Variants in GRAMD1B observed in about 807,000 individuals in gnomAD.
GRAMD1B encodes protein Aster-B.
Under a neutral mutation model 99.7 loss-of-function variants are expected in GRAMD1B, and 37 were observed. The observed-to-expected ratio is 0.37, with a 90% confidence interval of 0.29 to 0.49. GRAMD1B has a LOEUF of 0.49. Ranked by LOEUF, GRAMD1B falls within the 20% of genes least tolerant of loss-of-function variation. The pLI is 0.98. For synonymous variants in GRAMD1B, 427 were observed against 387.6 expected (o/e 1.10, Z -1.19); for missense variants, 888 against 1,009.2 (o/e 0.88, Z 1.63).
At chr11:123,478,523 G>T (rs1383603007) in intron 1 of GRAMD1B, among the ~76,000 whole-genome samples, 1 of 152,164 alleles carries the variant, frequency 6.6e-6, no homozygotes, top group African/African-American at 2.4e-5. Context: ...GGCAGTTCCT[G>T]GTTCCGGTTC....
chr11:123,413,346 G>T (rs1221188644), intron 1 of GRAMD1B, among the ~76,000 whole-genome samples: 1 of 152,126 alleles, frequency 6.6e-6, no homozygotes, highest in East Asian at 1.9e-4. Context: ...GAGATTAGGG[G>T]CTCTCTGCTT....
intron 3 of GRAMD1B, among the ~76,000 whole-genome samples, chr11:123,583,023 T>C (rs1387842794): frequency 6.6e-6 from 1 of 151,426 alleles, no homozygotes; most frequent in African/African-American, 2.4e-5. Context: ...TGCGTGTGTA[T>C]GTGTGTGAAT....
chr11:123,621,868 T>TC (rs1955154551), intron 19 of GRAMD1B, among the ~76,000 whole-genome samples: 1 of 145,074 alleles, frequency 6.9e-6, no homozygotes, highest in Admixed American at 6.9e-5. Flanking sequence ...TTTCTTTCTT[T>TC]TCTTTCTTTC....
intron 10 of GRAMD1B, among the ~76,000 whole-genome samples, chr11:123,606,063 G>A (rs1952667232): frequency 6.6e-6 from 1 of 152,164 alleles, no homozygotes; most frequent in African/African-American, 2.4e-5. Context: ...TTCAGGAAAG[G>A]ACTCCCTCAA....
Position 123,431,133 on chromosome 11 carries a change from G to T in GRAMD1B, c.341G>T (p.Arg114Met), listed in dbSNP as rs1948863863. ...CGCTTCCTCCTCCGCAAGTGGCTGA[G>T]GGTGAGGGAGCGGAAGGAGTGCAGT... is the stretch of plus-strand genomic sequence containing the variant. ...RKRFLLRKWL[R>M]VRERKECSES... is the part of the protein sequence containing the mutation. Residue 114 changes from arginine to methionine, a missense_variant, in exon 1 of 20, where the codon AGG becomes ATG. Physicochemically the swap from Arg to Met is moderately conservative, Grantham distance 91. Coordinates refer to ENST00000635736, the MANE Select transcript of GRAMD1B (RefSeq NM_001387025.1). 5.7e-6 allele frequency: 4 copies of T among 702,948 alleles called. No individual in the cohort carries two copies. The highest frequency in any genetic ancestry group is 1.0e-5 in the Non-Finnish European group (4 of 384,972). The allele number at this position is 702,948 out of a possible 1,614,324, so 43.5% of individuals were successfully genotyped here. A position where few individuals can be genotyped will look rare whatever the true frequency, so the allele number is the denominator to read the frequency against.
intron 2 of GRAMD1B, among the ~76,000 whole-genome samples, chr11:123,562,755 T>C (rs1229002818): frequency 6.6e-6 from 1 of 152,170 alleles, no homozygotes; most frequent in African/African-American, 2.4e-5. Context: ...CTTGGATTTG[T>C]CTCATTGGGG....
intron 1 of GRAMD1B, among the ~76,000 whole-genome samples, chr11:123,441,031 C>G (rs900431157): frequency 6.6e-6 from 1 of 152,186 alleles, no homozygotes; most frequent in Non-Finnish European, 1.5e-5. Context: ...CCACCATGAT[C>G]GTGAGGCCTC....
Position 123,510,723 on chromosome 11 carries a change from C to T in GRAMD1B, c.452+29830C>T, listed in dbSNP as rs928248311. On this transcript the variant is annotated intron_variant, in intron 2 of 19. Coordinates refer to ENST00000635736, the MANE Select transcript of GRAMD1B (RefSeq NM_001387025.1). The surrounding 1 kb of genome is among the most constrained non-coding windows in gnomAD (Gnocchi z 4.3). ...TAGGATGGAAATGCTGCCGGCCGCA[C>T]TGTGCGTAAGTGGCTTCGCTTGGCG... 3.9e-5 allele frequency among the ~76,000 whole-genome samples: 6 copies of T among 152,212 alleles called. No individual in the cohort carries two copies. The highest frequency in any genetic ancestry group is 5.9e-5 in the Non-Finnish European group (4 of 68,040).
chr11:123,595,870 T>C (rs1951211918), intron 6 of GRAMD1B, 72 bp from the exon 7 acceptor site: 6 of 803,398 alleles, frequency 7.5e-6, no homozygotes, highest in Non-Finnish European at 1.3e-5. Context: ...TGGCGCCCCC[T>C]GAACACTGTT....
chr11:123,577,654 A>C, intron 3 of GRAMD1B, 77 bp downstream of exon 3: 1 of 1,121,782 alleles, frequency 8.9e-7, no homozygotes, highest in East Asian at 2.6e-5. Flanking sequence ...GAGCCGGAGA[A>C]CATCTGCGAG....
intron 1 of GRAMD1B, among the ~76,000 whole-genome samples, chr11:123,390,894 C>A (rs1418887493): frequency 6.6e-6 from 1 of 152,232 alleles, no homozygotes; most frequent in Non-Finnish European, 1.5e-5. Context: ...CCACCACTCT[C>A]TTCCCAGTAT....
intron 2 of GRAMD1B, among the ~76,000 whole-genome samples, chr11:123,558,180 C>T (rs527797423): frequency 1.3e-5 from 2 of 151,854 alleles, no homozygotes; most frequent in South Asian, 2.1e-4. Context: ...GATGGGGTTT[C>T]ACCACGTTGG....
chr11:123,435,307 G>A (rs139079768), intron 1 of GRAMD1B: 77 of 643,046 alleles, frequency 1.2e-4, no homozygotes, highest in African/African-American at 1.1e-3. Context: ...GAAATTCAGC[G>A]TGATGTGGTA....
Position 123,577,528 on chromosome 11 carries a change from A to G in GRAMD1B, c.614A>G (p.Gln205Arg), listed in dbSNP as rs1290422654. The G allele has an allele frequency of 7.5e-6, 12 of 1,599,358 alleles. No homozygotes were observed. The highest frequency in any genetic ancestry group is 1.3e-5 in the African/African-American group (1 of 74,502). ...CCGTCCACACCGGAGCAGGGCGTGC[A>G]GCGCAGCTGCTCCTCCCAGTCCGGC... The part of the protein sequence containing the change: ...KSPSTPEQGV[Q>R]RSCSSQSGRS... Residue 205 changes from glutamine to arginine, a missense_variant, in exon 3 of 20, where the codon CAG (glutamine) becomes CGG (arginine). Transcript: ENST00000635736.
At chr11:123,413,422 G>C (rs746932178) in intron 1 of GRAMD1B, among the ~76,000 whole-genome samples, 3 of 152,092 alleles carry the variant, frequency 2.0e-5, no homozygotes, top group Non-Finnish European at 2.9e-5. Context: ...GTATCGGAGA[G>C]AGAACTGATC....
chr11:123,583,511 T>C (rs976953874), intron 3 of GRAMD1B, among the ~76,000 whole-genome samples: 2 of 152,190 alleles, frequency 1.3e-5, no homozygotes, highest in East Asian at 3.8e-4. Context: ...TCCATCTATC[T>C]TTCAAGGGGG....
At chr11:123,381,589 A>T (rs948974461) in intron 1 of GRAMD1B, 1 of 152,492 alleles carries the variant, frequency 6.6e-6, no homozygotes, top group Non-Finnish European at 1.5e-5. Context: ...ACATGCTGGA[A>T]CTGGAAGGGA....
chr11:123,556,253 AATT>A (rs1461911455), intron 2 of GRAMD1B, among the ~76,000 whole-genome samples: 1 of 152,190 alleles, frequency 6.6e-6, no homozygotes, highest in Non-Finnish European at 1.5e-5. Flanking sequence ...TGATTCAACA[AATT>A]CAGATTTATG....
chr11:123,508,879 TTTA>T (rs1940703124), intron 2 of GRAMD1B, among the ~76,000 whole-genome samples: 1 of 152,014 alleles, frequency 6.6e-6, no homozygotes, highest in Admixed American at 6.6e-5. Context: ...GAGACGGAGT[TTTA>T]TTATGTTGGC....
Sources: gnomAD v4.1 joint callset for allele counts (sites outside exome capture counted in the v4.1 genomes callset) on GRCh38, gnomAD v4.1.1 for gene constraint, Gnocchi (gnomAD v3.1) non-coding constraint, MANE v1.5 for transcripts, NCBI Gene and HGNC (gene_info 2026-07-23, HGNC 2026-07-21) for gene names.